The following LOC128462377 variants were observed in gnomAD, a reference collection of about 807,000 sequenced individuals.
chr16:89,381,685 A>C, the LOC128462377 span, among the ~76,000 whole-genome samples: 2 of 152,214 alleles, frequency 1.3e-5, no homozygotes, highest in African/African-American at 4.8e-5. Context: ...CAGAACTCTC[A>C]TCAGGAAACA....
chr16:89,330,348 G>C, the LOC128462377 span, among the ~76,000 whole-genome samples: 7 of 152,088 alleles, frequency 4.6e-5, no homozygotes, highest in Non-Finnish European at 8.8e-5. Context: ...CAGGATGTGA[G>C]TCAGGTGCTA....
the LOC128462377 span, among the ~76,000 whole-genome samples, chr16:89,342,837 G>A: frequency 6.6e-6 from 1 of 152,310 alleles, no homozygotes; most frequent in South Asian, 2.1e-4. Context: ...TTCCCTCAGA[G>A]TGCCTTTCTG....
At chr16:89,390,438 C>T in the LOC128462377 span, among the ~76,000 whole-genome samples, 2 of 152,146 alleles carry the variant, frequency 1.3e-5, no homozygotes, top group African/African-American at 2.4e-5. Context: ...GCCTAACCAA[C>T]GGTAAGGGGT....
chr16:89,355,619 A>G, the LOC128462377 span, among the ~76,000 whole-genome samples: 6 of 152,232 alleles, frequency 3.9e-5, no homozygotes, highest in Non-Finnish European at 7.3e-5. Context: ...ATGTCACAGT[A>G]TCGCCAGGAT....
At chr16:89,387,790 G>A in the LOC128462377 span, among the ~76,000 whole-genome samples, 3 of 151,392 alleles carry the variant, frequency 2.0e-5, no homozygotes, top group Admixed American at 1.3e-4. Context: ...ATCATTTGAG[G>A]TCAGGGGTTC....
the LOC128462377 span, among the ~76,000 whole-genome samples, chr16:89,364,731 G>C: frequency 6.6e-6 from 1 of 152,190 alleles, no homozygotes; most frequent in Non-Finnish European, 1.5e-5. Flanking sequence ...GCCGCGGGCT[G>C]GACAAGCTTG....
At chr16:89,406,126 A>C in the LOC128462377 span, among the ~76,000 whole-genome samples, 3,096 of 151,808 alleles carry the variant, frequency 0.02, 107 homozygotes, top group African/African-American at 0.071. Context: ...AAAAAAAAAA[A>C]AAACCTTCAG....
the LOC128462377 span, among the ~76,000 whole-genome samples, chr16:89,404,910 A>C: frequency 6.6e-6 from 1 of 152,272 alleles, no homozygotes; most frequent in Admixed American, 6.5e-5. Flanking sequence ...CCTTTACAGT[A>C]AAGTGAACTC....
chr16:89,341,354 T>G, the LOC128462377 span, among the ~76,000 whole-genome samples: 2 of 152,132 alleles, frequency 1.3e-5, no homozygotes, highest in African/African-American at 4.8e-5. Flanking sequence ...AAGCAGACAA[T>G]TTAAGTTGTA....
At chr16:89,332,078 A>G in the LOC128462377 span, among the ~76,000 whole-genome samples, 8 of 152,174 alleles carry the variant, frequency 5.3e-5, no homozygotes, top group Admixed American at 4.6e-4. Context: ...ATTCGATCCC[A>G]GGAGTTTGAG....
At chr16:89,369,209 T>C in the LOC128462377 span, among the ~76,000 whole-genome samples, 1 of 152,010 alleles carries the variant, frequency 6.6e-6, no homozygotes, top group South Asian at 2.1e-4. Context: ...AACAATAATC[T>C]TCAAAGGGCT....
the LOC128462377 span, among the ~76,000 whole-genome samples, chr16:89,393,445 C>T: frequency 1.1e-4 from 16 of 151,424 alleles, no homozygotes; most frequent in African/African-American, 2.9e-4. Flanking sequence ...CACCTCAGTC[C>T]CCCATGTAGC....
At chr16:89,346,384 G>A in the LOC128462377 span, among the ~76,000 whole-genome samples, 1 of 152,014 alleles carries the variant, frequency 6.6e-6, no homozygotes, top group East Asian at 1.9e-4. Context: ...CAGAAGATCT[G>A]AAAGCAAGAC....
At chr16:89,384,879 C>CTTTTTCTTTTTTTTTTTTT in the LOC128462377 span, among the ~76,000 whole-genome samples, 1 of 49,910 alleles carries the variant, frequency 2.0e-5, no homozygotes, top group African/African-American at 7.9e-5. Flanking sequence ...AAATAGTTTT[C>CTTTTTCTTTTTTTTTTTTT]TTTTTTTTTT....
chr16:89,370,937 C>CT, the LOC128462377 span, among the ~76,000 whole-genome samples: 2 of 152,248 alleles, frequency 1.3e-5, no homozygotes, highest in Admixed American at 1.3e-4. Context: ...ACGAGACGCC[C>CT]AAGAACCAAG....
At chr16:89,392,827 GA>G in the LOC128462377 span, 2 of 150,746 alleles carry the variant, frequency 1.3e-5, no homozygotes, top group African/African-American at 4.9e-5. Flanking sequence ...TAGGAAAAAA[GA>G]AAACTGGGAA....
At chr16:89,381,354 A>AAAAAAAAGGG in the LOC128462377 span, among the ~76,000 whole-genome samples, 1 of 125,344 alleles carries the variant, frequency 8.0e-6, no homozygotes, top group African/African-American at 3.3e-5. Flanking sequence ...AAAAAAAAAA[A>AAAAAAAAGGG]GGGGTGAGAA....
chr16:89,343,673 C>T, the LOC128462377 span: 1 of 152,248 alleles, frequency 6.6e-6, no homozygotes, highest in African/African-American at 2.4e-5. Flanking sequence ...ATCCATAAAC[C>T]ACCAATTACC....
At chr16:89,355,862 A>G in the LOC128462377 span, among the ~76,000 whole-genome samples, 1 of 152,116 alleles carries the variant, frequency 6.6e-6, no homozygotes, top group Non-Finnish European at 1.5e-5. Flanking sequence ...AGGCAGAGTG[A>G]CCGATGAGAT....
Sources: gnomAD v4.1 joint callset for allele counts (sites outside exome capture counted in the v4.1 genomes callset) on GRCh38, gnomAD v4.1.1 for gene constraint, MANE v1.5 for transcripts.